NT5C2: variants seen among roughly 807,000 people sequenced by gnomAD.
NT5C2 encodes 5'-nucleotidase, cytosolic II.
NT5C2 carries 58 observed loss-of-function variants against 76.1 expected under a neutral mutation model. That is an observed-to-expected ratio of 0.76 (90% CI 0.62 to 0.95). The LOEUF is 0.95. Among genes scored for constraint, NT5C2 ranks in the 40% least tolerant of loss-of-function variants. The pLI is 0.00. For synonymous variants in NT5C2, 229 were observed against 237.4 expected (o/e 0.96, Z 0.32); for missense variants, 478 against 690.3 (o/e 0.69, Z 3.45).
chr10:103,098,800 T>C (rs2068827951), intron 10 of NT5C2, 131 bp downstream of exon 10: 3 of 666,174 alleles, frequency 4.5e-6, no homozygotes, highest in Non-Finnish European at 7.7e-6. Flanking sequence ...TCTTGGTGAT[T>C]ATACCCGACA....
intron 1 of NT5C2, among the ~76,000 whole-genome samples, chr10:103,190,024 A>G (rs1163237): frequency 0.97 from 127,730 of 131,490 alleles, 62,038 homozygotes; most frequent in East Asian, 1. Context: ...TTTTTGAGAC[A>G]GAGTTTCACT....
chr10:103,165,039 G>A (rs1395161326), intron 3 of NT5C2, among the ~76,000 whole-genome samples: 1 of 152,214 alleles, frequency 6.6e-6, no homozygotes, highest in Non-Finnish European at 1.5e-5. Context: ...CTTGTATCTA[G>A]AACAGATAAG....
chr10:103,172,273 G>A (rs1466844425), intron 3 of NT5C2, among the ~76,000 whole-genome samples: 1 of 145,262 alleles, frequency 6.9e-6, no homozygotes, highest in African/African-American at 2.6e-5. Flanking sequence ...TTGAGACGGA[G>A]TCTCGCTCTG....
intron 3 of NT5C2, among the ~76,000 whole-genome samples, chr10:103,149,166 G>A (rs373561914): frequency 7.9e-5 from 12 of 152,096 alleles, no homozygotes; most frequent in East Asian, 7.7e-4. Context: ...CGAAAGAAGC[G>A]AAAGCAAATC....
At chr10:103,139,516 G>T in intron 3 of NT5C2, 37 bp from the exon 4 acceptor site, 1 of 1,296,632 alleles carries the variant, frequency 7.7e-7, no homozygotes, top group Non-Finnish European at 1.1e-6. Context: ...CTCAACACTG[G>T]AAAATAAATT....
chr10:103,123,083 A>G (rs1235374873), intron 4 of NT5C2, among the ~76,000 whole-genome samples: 1 of 152,174 alleles, frequency 6.6e-6, no homozygotes, highest in East Asian at 1.9e-4. Context: ...TCTTTCCCCT[A>G]CACTACATAT....
At chr10:103,187,068 G>A (rs2092117337) in intron 1 of NT5C2, among the ~76,000 whole-genome samples, 1 of 151,614 alleles carries the variant, frequency 6.6e-6, no homozygotes, top group East Asian at 2.0e-4. Flanking sequence ...CTGGCCAACA[G>A]GGCAAAACCT....
chr10:103,094,742 C>A (rs1035467677), intron 12 of NT5C2, among the ~76,000 whole-genome samples: 1 of 151,942 alleles, frequency 6.6e-6, no homozygotes, highest in Non-Finnish European at 1.5e-5. Context: ...ATTAGCCGGG[C>A]GTGGTGGCGG....
intron 11 of NT5C2, among the ~76,000 whole-genome samples, chr10:103,096,201 A>T (rs1250933063): frequency 6.6e-6 from 1 of 152,216 alleles, no homozygotes; most frequent in Non-Finnish European, 1.5e-5. Context: ...CTCAGGGAGG[A>T]TACATACTTC....
intron 4 of NT5C2, among the ~76,000 whole-genome samples, chr10:103,119,990 T>C (rs1195341852): frequency 6.6e-6 from 1 of 151,792 alleles, no homozygotes; most frequent in African/African-American, 2.4e-5. Context: ...TCCCAGCTAC[T>C]TGGGAGGCTG....
intron 13 of NT5C2, 150 bp from the exon 14 acceptor site, chr10:103,094,188 T>G (rs780931538): frequency 2.1e-5 from 16 of 761,158 alleles, no homozygotes; most frequent in Admixed American, 4.7e-5. Flanking sequence ...TTAGTGGGTT[T>G]GTTTGACTGT....
intron 4 of NT5C2, among the ~76,000 whole-genome samples, chr10:103,131,128 AC>A (rs2078093117): frequency 6.6e-6 from 1 of 152,212 alleles, no homozygotes; most frequent in Non-Finnish European, 1.5e-5. Flanking sequence ...CCAAAACACG[AC>A]TTTGAGATGT....
intron 4 of NT5C2, among the ~76,000 whole-genome samples, chr10:103,132,275 GAA>G (rs2078336469): frequency 1.3e-5 from 2 of 150,698 alleles, no homozygotes; most frequent in Non-Finnish European, 2.9e-5. Context: ...CAATGAAAGA[GAA>G]GACTTAGGAA....
rs2066666458 is a variant in NT5C2, at chr10:103,090,999, A to AAAGAT, written c.1212-8_1212-4dup. On this transcript the variant is annotated splice_polypyrimidine_tract_variant and splice_region_variant and intron_variant, in intron 16 of 18. Coordinates refer to ENST00000404739, the MANE Select transcript of NT5C2 (RefSeq NM_001351169.2). ...CATTGCTACTGCTGTCAAGATGCCT[A>AAAGAT]AAGATAAAAGAAAAACTCAGTGAAA... 6.2e-7 allele frequency: 1 copy of AAAGAT among 1,612,366 alleles called. No homozygotes were observed. The highest frequency in any genetic ancestry group is 8.5e-7 in the Non-Finnish European group (1 of 1,179,392).
At chr10:103,149,056 G>A (rs1167950142) in intron 3 of NT5C2, among the ~76,000 whole-genome samples, 1 of 152,136 alleles carries the variant, frequency 6.6e-6, no homozygotes, top group African/African-American at 2.4e-5. Flanking sequence ...CTGCGTCCAG[G>A]GAGGGGGAAA....
intron 3 of NT5C2, among the ~76,000 whole-genome samples, chr10:103,162,368 G>GA (rs950555268): frequency 6.6e-6 from 1 of 151,294 alleles, no homozygotes; most frequent in Non-Finnish European, 1.5e-5. Flanking sequence ...AATCAATATG[G>GA]AAAAAAAAGA....
intron 4 of NT5C2, among the ~76,000 whole-genome samples, chr10:103,138,502 A>T (rs1445213724): frequency 6.6e-6 from 1 of 151,348 alleles, no homozygotes; most frequent in Non-Finnish European, 1.5e-5. Flanking sequence ...TCAATGTTCA[A>T]CTCCCACTTA....
intron 3 of NT5C2, among the ~76,000 whole-genome samples, chr10:103,152,391 A>G (rs906014400): frequency 1.3e-5 from 2 of 152,212 alleles, no homozygotes; most frequent in Admixed American, 6.5e-5. Flanking sequence ...TCGTTATTCA[A>G]TAATGAAATC....
chr10:103,162,479 G>C (rs527854289), intron 3 of NT5C2, among the ~76,000 whole-genome samples: 53 of 152,192 alleles, frequency 3.5e-4, no homozygotes, highest in Non-Finnish European at 6.6e-4. Flanking sequence ...TTATTCATCA[G>C]AAAAATACAA....
Sources: gnomAD v4.1 joint callset for allele counts (sites outside exome capture counted in the v4.1 genomes callset) on GRCh38, gnomAD v4.1.1 for gene constraint, MANE v1.5 for transcripts, NCBI Gene and HGNC (gene_info 2026-07-23, HGNC 2026-07-21) for gene names.